The following TAFA2 variants were observed in gnomAD, a reference collection of about 807,000 sequenced individuals.
TAFA2 encodes the protein TAFA chemokine like family member 2, also known as chemokine-like protein TAFA-2.
Under a neutral mutation model 18.8 loss-of-function variants are expected in TAFA2, and 7 were observed. The ratio of observed to expected loss-of-function variants is 0.37; its 90% CI spans 0.21 to 0.70. The LOEUF (loss-of-function observed/expected upper bound fraction) is 0.70, where lower values mean the gene tolerates loss of function less well. Among genes scored for constraint, TAFA2 ranks in the 30% least tolerant of loss-of-function variants. The probability of loss-of-function intolerance (pLI) is 0.53; values close to 1 mark genes in which losing one functional copy is unlikely to be tolerated. For missense variants in TAFA2, 122 were observed against 158.1 expected (o/e 0.77, Z 1.23); for synonymous variants, 60 against 54.2 (o/e 1.11, Z -0.47).
chr12:61,738,329 A>ACACACC (rs1555198029), intron 4 of TAFA2, among the ~76,000 whole-genome samples: 23,432 of 146,654 alleles, frequency 0.16, 2,266 homozygotes, highest in Admixed American at 0.25. Context: ...ACACACACAC[A>ACACACC]AACCTAGCTC....
At chr12:61,963,819 C>A (rs959466369) in intron 1 of TAFA2, among the ~76,000 whole-genome samples, 9 of 152,150 alleles carry the variant, frequency 5.9e-5, no homozygotes, top group Non-Finnish European at 1.0e-4. Context: ...TGCTACCTGA[C>A]TTCAAACTAT....
chr12:61,911,468 A>T (rs1332476414), intron 1 of TAFA2, among the ~76,000 whole-genome samples: 3 of 152,198 alleles, frequency 2.0e-5, no homozygotes, highest in Non-Finnish European at 4.4e-5. Context: ...TTAAACTATG[A>T]CATTTTGAAC....
At chr12:61,738,882 T>A (rs1868353640) in intron 4 of TAFA2, among the ~76,000 whole-genome samples, 1 of 152,106 alleles carries the variant, frequency 6.6e-6, no homozygotes, top group African/African-American at 2.4e-5. Context: ...TATTTCCACA[T>A]TAGTATTTCT....
intron 1 of TAFA2, among the ~76,000 whole-genome samples, chr12:62,072,139 TGAG>T (rs1486105184): frequency 6.6e-6 from 1 of 152,122 alleles, no homozygotes; most frequent in Non-Finnish European, 1.5e-5. Flanking sequence ...CGAACATCCT[TGAG>T]CAAAAATCTT....
chr12:62,113,121 A>C (rs12425896), intron 1 of TAFA2, among the ~76,000 whole-genome samples: 34,130 of 152,014 alleles, frequency 0.22, 4,201 homozygotes, highest in East Asian at 0.37. Flanking sequence ...TGGTGAATTT[A>C]TATACCTTTG....
At chr12:62,219,284 T>C (rs1357838678) in intron 1 of TAFA2, among the ~76,000 whole-genome samples, 2 of 152,168 alleles carry the variant, frequency 1.3e-5, no homozygotes, top group Non-Finnish European at 2.9e-5. Context: ...TTAGCTTCGG[T>C]TAAAACTGTA....
intron 2 of TAFA2, among the ~76,000 whole-genome samples, chr12:61,782,908 C>A (rs1320659936): frequency 6.6e-6 from 1 of 151,482 alleles, no homozygotes; most frequent in African/African-American, 2.4e-5. Context: ...AAACTGTTTC[C>A]CCTAGGAAAA....
chr12:61,795,414 G>A (rs1197902158), intron 2 of TAFA2, among the ~76,000 whole-genome samples: 3 of 152,112 alleles, frequency 2.0e-5, no homozygotes, highest in Non-Finnish European at 4.4e-5. Context: ...AAAAGGATGA[G>A]TTCATGTCCT....
chr12:61,951,274 C>G (rs1012376300), intron 1 of TAFA2, among the ~76,000 whole-genome samples: 5 of 152,044 alleles, frequency 3.3e-5, no homozygotes, highest in African/African-American at 1.2e-4. Flanking sequence ...ATGGTCTTCC[C>G]AAGAAGAGTT....
chr12:62,239,727 C>T (rs1188531310), intron 1 of TAFA2, among the ~76,000 whole-genome samples: 2 of 152,182 alleles, frequency 1.3e-5, no homozygotes, highest in East Asian at 3.8e-4. Flanking sequence ...TATGCAACAG[C>T]CAGTATTAAC....
intron 1 of TAFA2, among the ~76,000 whole-genome samples, chr12:61,900,267 C>T (rs187763800): frequency 1.5e-3 from 225 of 152,272 alleles, no homozygotes; most frequent in Non-Finnish European, 2.7e-3. Context: ...TTTATGTTTA[C>T]AAGATAAGCC....
chr12:62,197,040 G>A (rs376384903), upstream of TAFA2, among the ~76,000 whole-genome samples: 146 of 152,252 alleles, frequency 9.6e-4, 1 homozygote, highest in African/African-American at 2.8e-3. Flanking sequence ...GATCAGCTGC[G>A]GCATTAGATT....
At chr12:61,976,771 A>ATGTGG (rs1879451136) in intron 1 of TAFA2, among the ~76,000 whole-genome samples, 1 of 151,660 alleles carries the variant, frequency 6.6e-6, no homozygotes, top group Non-Finnish European at 1.5e-5. Context: ...GAGTAAGAAC[A>ATGTGG]TGTTTAGTTT....
chr12:62,060,660 C>A (rs941934523), intron 1 of TAFA2, among the ~76,000 whole-genome samples: 4 of 152,120 alleles, frequency 2.6e-5, no homozygotes, highest in East Asian at 1.9e-4. Context: ...ATTGATATTA[C>A]AGGAGATGGT....
At chr12:62,078,050 C>T (rs946324035) in intron 1 of TAFA2, among the ~76,000 whole-genome samples, 6 of 152,148 alleles carry the variant, frequency 3.9e-5, no homozygotes, top group African/African-American at 1.4e-4. Flanking sequence ...TCCTTCAGGG[C>T]TTTGTCAGTG....
chr12:62,011,783 A>C (rs1384958310), intron 1 of TAFA2, among the ~76,000 whole-genome samples: 4 of 151,228 alleles, frequency 2.6e-5, no homozygotes, highest in Non-Finnish European at 5.9e-5. Context: ...AAGAAACTGT[A>C]GTATAAGGTA....
At chr12:62,247,268 G>A (rs1365476180) in intron 1 of TAFA2, among the ~76,000 whole-genome samples, 5 of 151,718 alleles carry the variant, frequency 3.3e-5, no homozygotes, top group South Asian at 2.1e-4. Flanking sequence ...CTAATTCCTC[G>A]CCACCATTTT....
intron 2 of TAFA2, among the ~76,000 whole-genome samples, chr12:61,833,338 C>T (rs1565649877): frequency 1.3e-5 from 2 of 151,674 alleles, no homozygotes; most frequent in African/African-American, 2.4e-5. Context: ...CCCATTCAAT[C>T]TTCAATGAAT....
At chr12:61,765,858 T>C (rs900175201) in intron 2 of TAFA2, among the ~76,000 whole-genome samples, 2 of 152,016 alleles carry the variant, frequency 1.3e-5, no homozygotes, top group African/African-American at 4.8e-5. Flanking sequence ...AGGGAACTGG[T>C]GATGAGAAAA....
Sources: gnomAD v4.1 joint callset for allele counts (sites outside exome capture counted in the v4.1 genomes callset) on GRCh38, gnomAD v4.1.1 for gene constraint, MANE v1.5 for transcripts, NCBI Gene and HGNC (gene_info 2026-07-23, HGNC 2026-07-21) for gene names.